The following RAB38 variants were observed in gnomAD, a reference collection of about 807,000 sequenced individuals.
The protein encoded by RAB38 is ras-related protein Rab-38.
A neutral mutation model predicts 18.4 loss-of-function variants in RAB38; 15 were observed. The observed-to-expected ratio is 0.82, with a 90% confidence interval of 0.55 to 1.26. The LOEUF is 1.26. RAB38 is among the 50% of genes most tolerant of loss of function. RAB38 has a pLI of 0.00. For missense variants in RAB38, 294 were observed against 267.4 expected (o/e 1.10, Z -0.69); for synonymous variants, 101 against 104.4 (o/e 0.97, Z 0.20).
chr11:87,879,242 G>C, the RAB38 span, among the ~76,000 whole-genome samples: 1 of 151,438 alleles, frequency 6.6e-6, no homozygotes, highest in Non-Finnish European at 1.5e-5. Flanking sequence ...GATACGGACT[G>C]TATACACTCA....
At chr11:88,044,382 T>C in the RAB38 span, among the ~76,000 whole-genome samples, 1 of 152,118 alleles carries the variant, frequency 6.6e-6, no homozygotes. Flanking sequence ...TACTCTCTTT[T>C]CTCTGGGCTT....
chr11:88,107,321 T>G, the RAB38 span, among the ~76,000 whole-genome samples: 10 of 152,116 alleles, frequency 6.6e-5, 1 homozygote, highest in Non-Finnish European at 7.4e-5. Context: ...TAATCAACTT[T>G]GCATTTCTAT....
the RAB38 span, among the ~76,000 whole-genome samples, chr11:87,957,761 A>G: frequency 3.3e-5 from 5 of 152,046 alleles, no homozygotes; most frequent in East Asian, 7.8e-4. Flanking sequence ...TGGGGAGAAA[A>G]ATTCTTGACA....
chr11:87,954,418 G>T, the RAB38 span, among the ~76,000 whole-genome samples: 1 of 152,086 alleles, frequency 6.6e-6, no homozygotes, highest in Non-Finnish European at 1.5e-5. Flanking sequence ...CTGAATAAAG[G>T]TGACTAATTG....
chr11:87,875,897 A>G, the RAB38 span, among the ~76,000 whole-genome samples: 1 of 151,618 alleles, frequency 6.6e-6, no homozygotes, highest in Non-Finnish European at 1.5e-5. Context: ...TATATCTACA[A>G]TCCTGTTATT....
the RAB38 span, among the ~76,000 whole-genome samples, chr11:88,036,684 C>A: frequency 3.3e-5 from 5 of 151,914 alleles, no homozygotes; most frequent in African/African-American, 9.7e-5. Context: ...TCACTTGTTT[C>A]TCTTTTGTGT....
chr11:88,076,220 G>A, the RAB38 span, among the ~76,000 whole-genome samples: 1 of 151,696 alleles, frequency 6.6e-6, no homozygotes, highest in Admixed American at 6.6e-5. Context: ...AAACCTATAA[G>A]AAATGAATAA....
the RAB38 span, among the ~76,000 whole-genome samples, chr11:87,858,957 A>G: frequency 4.6e-5 from 7 of 151,770 alleles, no homozygotes; most frequent in Non-Finnish European, 8.8e-5. Flanking sequence ...AAAAAAAAAA[A>G]ATAAGCAAAA....
chr11:88,096,318 GT>G, the RAB38 span, among the ~76,000 whole-genome samples: 1 of 151,518 alleles, frequency 6.6e-6, no homozygotes, highest in Non-Finnish European at 1.5e-5. Flanking sequence ...GTCTATAATT[GT>G]TTTTTTCTCT....
At chr11:88,102,377 C>G in the RAB38 span, among the ~76,000 whole-genome samples, 1 of 152,180 alleles carries the variant, frequency 6.6e-6, no homozygotes, top group South Asian at 2.1e-4. Context: ...TTCCACTTTG[C>G]AGTTCCAGAT....
chr11:88,110,821 A>G (rs1383482998), downstream of RAB38, among the ~76,000 whole-genome samples: 4 of 147,230 alleles, frequency 2.7e-5, no homozygotes, highest in Non-Finnish European at 5.9e-5. Context: ...CTCAAAAAAA[A>G]AAAAAAGAAA....
the RAB38 span, among the ~76,000 whole-genome samples, chr11:87,893,227 A>G: frequency 6.6e-6 from 1 of 150,556 alleles, no homozygotes; most frequent in Non-Finnish European, 1.5e-5. Flanking sequence ...GCAGCTTCCA[A>G]ACTTTGTAAC....
At chr11:87,825,555 C>G in the RAB38 span, among the ~76,000 whole-genome samples, 2 of 152,050 alleles carry the variant, frequency 1.3e-5, no homozygotes, top group African/African-American at 4.8e-5. Context: ...GGACTAGGGC[C>G]ACCCTTATGG....
chr11:87,806,120 C>G, the RAB38 span, among the ~76,000 whole-genome samples: 1 of 152,234 alleles, frequency 6.6e-6, no homozygotes, highest in East Asian at 1.9e-4. Flanking sequence ...AGTGTGATAA[C>G]TGATAAATTT....
chr11:88,037,651 G>T, the RAB38 span, among the ~76,000 whole-genome samples: 1 of 151,978 alleles, frequency 6.6e-6, no homozygotes, highest in African/African-American at 2.4e-5. Context: ...GGTTTGTTTT[G>T]CTATTCTAGA....
chr11:88,130,058 G>A (rs1040168054), intron 2 of RAB38, among the ~76,000 whole-genome samples: 6 of 152,084 alleles, frequency 3.9e-5, no homozygotes, highest in South Asian at 2.1e-4. Context: ...TCCACAAACT[G>A]GAAAATAGAA....
chr11:88,037,182 G>T, the RAB38 span, among the ~76,000 whole-genome samples: 1 of 151,590 alleles, frequency 6.6e-6, no homozygotes, highest in African/African-American at 2.4e-5. Context: ...TTACAACCAG[G>T]GTCAATTATG....
At chr11:88,100,216 G>C in the RAB38 span, 1 of 151,872 alleles carries the variant, frequency 6.6e-6, no homozygotes, top group Non-Finnish European at 1.5e-5. Flanking sequence ...AAGTTGAAAA[G>C]TCACCCCCGC....
chr11:87,966,860 T>C, the RAB38 span, among the ~76,000 whole-genome samples: 1 of 152,222 alleles, frequency 6.6e-6, no homozygotes, highest in African/African-American at 2.4e-5. Flanking sequence ...GTGATGATCA[T>C]GCATGTTCTG....
Sources: allele counts gnomAD v4.1 joint callset (sites outside exome capture counted in the v4.1 genomes callset), GRCh38; gene constraint gnomAD v4.1.1; transcripts MANE v1.5; gene names NCBI Gene and HGNC (gene_info 2026-07-23, HGNC 2026-07-21).